SKAP2: variants seen among roughly 807,000 people sequenced by gnomAD.
The protein encoded by SKAP2 is src kinase-associated phosphoprotein 2.
A neutral mutation model predicts 54.9 loss-of-function variants in SKAP2; 28 were observed. The observed-to-expected ratio is 0.51, with a 90% confidence interval of 0.38 to 0.70. The LOEUF is 0.70. Ranked by LOEUF, SKAP2 falls within the 30% of genes least tolerant of loss-of-function variation. The pLI is 0.00. For synonymous variants in SKAP2, 137 were observed against 134.3 expected, an observed-to-expected ratio of 1.02 and a Z score of -0.14; for missense variants, 356 against 424.1, an observed-to-expected ratio of 0.84 and a Z score of 1.41.
At chr7:26,728,843 G>A (rs1277978623) in intron 6 of SKAP2, among the ~76,000 whole-genome samples, 1 of 152,088 alleles carries the variant, frequency 6.6e-6, no homozygotes, top group Admixed American at 6.6e-5. Flanking sequence ...CAGATTTAGA[G>A]GAAAGCTGCT....
chr7:26,677,394 TAA>T (rs1322136047), intron 11 of SKAP2, among the ~76,000 whole-genome samples: 23 of 72,938 alleles, frequency 3.2e-4, no homozygotes, highest in East Asian at 3.1e-4. Context: ...TCTGTCTCAA[TAA>T]AAAAAAAAAA....
intron 4 of SKAP2, among the ~76,000 whole-genome samples, chr7:26,798,179 A>G (rs1783824536): frequency 6.6e-6 from 1 of 152,106 alleles, no homozygotes; most frequent in Admixed American, 6.5e-5. Context: ...GGACTTTAAA[A>G]ACAGCAAGAA....
At chr7:26,857,310 TAAA>T (rs59046895) in intron 1 of SKAP2, 1,051 of 91,170 alleles carry the variant, frequency 0.012, 7 homozygotes, top group Middle Eastern at 0.038. Context: ...CTGCTTTGCT[TAAA>T]AAAAAAAAAA....
At chr7:26,842,392 CAAT>C (rs1784834722) in intron 4 of SKAP2, among the ~76,000 whole-genome samples, 1 of 151,414 alleles carries the variant, frequency 6.6e-6, no homozygotes, top group East Asian at 1.9e-4. Context: ...AAAAAGAAAA[CAAT>C]AATGTAAATG....
chr7:26,770,897 T>A (rs150757054), intron 4 of SKAP2, among the ~76,000 whole-genome samples: 10 of 152,286 alleles, frequency 6.6e-5, no homozygotes, highest in African/African-American at 2.4e-4. Flanking sequence ...GCTGTTCCTA[T>A]TTGGCCATCT....
intron 4 of SKAP2, among the ~76,000 whole-genome samples, chr7:26,801,410 G>A (rs1783912698): frequency 6.6e-6 from 1 of 152,278 alleles, no homozygotes; most frequent in Non-Finnish European, 1.5e-5. Flanking sequence ...CATACTGAAT[G>A]AGGAAAAACT....
chr7:26,681,172 G>A (rs796161433), intron 11 of SKAP2, among the ~76,000 whole-genome samples: 11 of 152,270 alleles, frequency 7.2e-5, no homozygotes, highest in African/African-American at 2.6e-4. Flanking sequence ...AACACTTGCC[G>A]GGTGCAGTGG....
At chr7:26,852,390 C>A (rs909311233) in intron 3 of SKAP2, among the ~76,000 whole-genome samples, 3 of 152,132 alleles carry the variant, frequency 2.0e-5, no homozygotes, top group Non-Finnish European at 4.4e-5. Flanking sequence ...TACACAATGG[C>A]ATAAAAGTAC....
chr7:26,725,470 T>C lies in SKAP2; in HGVS notation c.754A>G (p.Ser252Gly). Reference protein sequence around the residue: ...HPLPISNPLTSSQPIDDEIYE... With the variant: ...HPLPISNPLTGSQPIDDEIYE... ...ATTTCATCATCTATTGGTTGACTGC[T>C]TGTTAGTGGATTGCTTATTGGTAGA... Residue 252 changes from serine to glycine, a missense_variant, in exon 9 of 13, where the codon AGC (serine) becomes GGC (glycine). Ser to Gly is a moderately conservative substitution (Grantham distance 56, BLOSUM62 0). Coordinates refer to ENST00000345317, the MANE Select transcript of SKAP2 (RefSeq NM_003930.5). 1 of 1,612,240 alleles carries C rather than the reference T, an allele frequency of 6.2e-7. No individual in the cohort carries two copies. The highest frequency in any genetic ancestry group is 1.7e-4 in the Middle Eastern group (1 of 6,050).
chr7:26,662,210 T>C (rs1261791656), downstream of SKAP2, among the ~76,000 whole-genome samples: 1 of 152,178 alleles, frequency 6.6e-6, no homozygotes, highest in Non-Finnish European at 1.5e-5. Context: ...ATTATTCATA[T>C]ACACAGCTCT....
At chr7:26,802,968 T>C (rs1001453555) in intron 4 of SKAP2, among the ~76,000 whole-genome samples, 3 of 151,914 alleles carry the variant, frequency 2.0e-5, no homozygotes, top group African/African-American at 7.3e-5. Context: ...AAAAATCAAA[T>C]CAAAATGGAT....
chr7:26,723,343 T>C (rs1439547932), intron 9 of SKAP2, among the ~76,000 whole-genome samples: 1 of 152,146 alleles, frequency 6.6e-6, no homozygotes, highest in East Asian at 1.9e-4. Flanking sequence ...AGAAGGGAAC[T>C]AGACATTCCA....
At chr7:26,855,029 A>G (rs1305882815) in intron 1 of SKAP2, 139 bp from the exon 2 acceptor site, 13 of 578,466 alleles carry the variant, frequency 2.2e-5, no homozygotes, top group Non-Finnish European at 3.2e-5. Context: ...ATTCCAAAGC[A>G]TAACAGTTGA....
intron 9 of SKAP2, among the ~76,000 whole-genome samples, chr7:26,715,615 A>G (rs1044864869): frequency 1.3e-5 from 2 of 152,132 alleles, no homozygotes; most frequent in African/African-American, 4.8e-5. Flanking sequence ...CGTCTCTACT[A>G]AAAATACTAA....
Position 26,809,151 on chromosome 7 carries a change from C to T in SKAP2, c.307+34879G>A, listed in dbSNP as rs545056403. 2.3e-4 allele frequency among the ~76,000 whole-genome samples: 35 copies of T among 152,238 alleles called. No homozygotes were observed. In the East Asian group the frequency reaches 3.7e-3, roughly 16 times the overall value. ...TGGTCTGGCCGGGCGCGGTGGCTCA[C>T]GCCTGTAATCCCAGCACTTTGGGAG... On this transcript the variant is annotated intron_variant, in intron 4 of 12. Transcript: ENST00000345317.
intron 9 of SKAP2, among the ~76,000 whole-genome samples, chr7:26,712,894 C>T (rs1787340706): frequency 6.6e-6 from 1 of 152,176 alleles, no homozygotes; most frequent in African/African-American, 2.4e-5. Context: ...AAGGTCTCTT[C>T]CAATCCAAAT....
At chr7:26,790,907 CAG>C (rs1268013438) in intron 4 of SKAP2, among the ~76,000 whole-genome samples, 2 of 152,028 alleles carry the variant, frequency 1.3e-5, no homozygotes, top group Non-Finnish European at 2.9e-5. Flanking sequence ...CCTAAGACAC[CAG>C]AGGACTTCAT....
chr7:26,676,872 C>G (rs1786360461), intron 11 of SKAP2, among the ~76,000 whole-genome samples: 1 of 152,186 alleles, frequency 6.6e-6, no homozygotes, highest in Non-Finnish European at 1.5e-5. Flanking sequence ...TGGGCTGAGA[C>G]TCCAGAAGGA....
intron 4 of SKAP2, among the ~76,000 whole-genome samples, chr7:26,741,197 T>A (rs1782437712): frequency 6.6e-6 from 1 of 152,040 alleles, no homozygotes; most frequent in Non-Finnish European, 1.5e-5. Flanking sequence ...GTGACTATAG[T>A]CAACAATAAT....
Sources: allele counts gnomAD v4.1 joint callset (sites outside exome capture counted in the v4.1 genomes callset), GRCh38; gene constraint gnomAD v4.1.1; transcripts MANE v1.5; gene names NCBI Gene and HGNC (gene_info 2026-07-23, HGNC 2026-07-21).